The following ARID1A variants were observed in gnomAD, a reference collection of about 807,000 sequenced individuals.
The protein encoded by ARID1A is AT-rich interaction domain 1A, also known as AT-rich interactive domain-containing protein 1A.
ARID1A carries 20 observed loss-of-function variants against 212.6 expected under a neutral mutation model. The ratio of observed to expected loss-of-function variants is 0.09; its 90% CI spans 0.07 to 0.14. The LOEUF is 0.14. Ranked by LOEUF, ARID1A falls within the 10% of genes least tolerant of loss-of-function variation. The pLI is 1.00. For missense variants in ARID1A, 2,587 were observed against 3,059.0 expected (o/e 0.85, Z 3.64); for synonymous variants, 1,376 against 1,222.1 (o/e 1.13, Z -2.63).
chr1:26,746,423 G>T (rs1464610701), intron 4 of ARID1A, among the ~76,000 whole-genome samples: 3 of 152,204 alleles, frequency 2.0e-5, no homozygotes, highest in Admixed American at 6.5e-5. Context: ...CAGATGTTTG[G>T]TTGCTTAGCT....
intron 11 of ARID1A, 47 bp downstream of exon 11, chr1:26,768,046 C>A (rs2124088343): frequency 6.3e-7 from 1 of 1,579,542 alleles, no homozygotes; most frequent in Non-Finnish European, 8.7e-7. Context: ...TTCCACAAAC[C>A]CCTTTCTAGG....
At chr1:26,713,612 G>A (rs2080474236) in intron 1 of ARID1A, among the ~76,000 whole-genome samples, 2 of 152,036 alleles carry the variant, frequency 1.3e-5, no homozygotes, top group African/African-American at 4.8e-5. Flanking sequence ...TGCCTGCCTC[G>A]GCCTCCCAGA....
At position 26,781,399 on chromosome 1, in the gene ARID1A, AAACGCTGGGT is replaced by A. The variant is rs2081193411; in HGVS notation, c.*644_*653del. ...TAATAATGTCTCACATGGAAACAGA[AAACGCTGGGT>A]CAGCAGCAAGCTGTAGTTTTTAAAA... is the stretch of plus-strand genomic sequence containing the variant. On this transcript the variant is annotated 3_prime_UTR_variant, in exon 20 of 20. Transcript: ENST00000324856. 1 of 233,520 alleles carries A rather than the reference AAACGCTGGGT, an allele frequency of 4.3e-6. No homozygotes were observed. Among genetic ancestry groups the A allele is most frequent in the East Asian group, 6.0e-5 (1 of 16,588 alleles). The allele number at this position is 233,520 out of a possible 1,614,324, so 14.5% of individuals were successfully genotyped here.
chr1:26,705,460 CT>C (rs1476582232), intron 1 of ARID1A, among the ~76,000 whole-genome samples: 8 of 150,822 alleles, frequency 5.3e-5, no homozygotes, highest in African/African-American at 2.0e-4. Flanking sequence ...TTCCCCCCCC[CT>C]CAAGTAATGG....
At chr1:26,719,846 CAGG>C (rs2080543503) in intron 1 of ARID1A, among the ~76,000 whole-genome samples, 2 of 140,392 alleles carry the variant, frequency 1.4e-5, no homozygotes, top group African/African-American at 5.4e-5. Flanking sequence ...GAGGCTGAGA[CAGG>C]AGAATTGCTT....
Position 26,763,178 on chromosome 1 carries a change from G to A in ARID1A, c.2625G>A (p.Met875Ile). 1 of 1,614,250 alleles carries A rather than the reference G, an allele frequency of 6.2e-7. No individual in the cohort carries two copies. The highest frequency in any genetic ancestry group is 8.5e-7 in the Non-Finnish European group (1 of 1,180,042). ...CTTATGGCCCTAACATGGCCAATAT[G>A]CCACCTCAGGTTGGGTCAGGGATGT... ...NRPYGPNMAN[M>I]PPQVGSGMCP... The change falls in exon 8 of 20, where the codon ATG (methionine) becomes ATA (isoleucine). Residue 875 changes from methionine to isoleucine, a missense_variant. By Grantham distance (10) the Met-to-Ile change is conservative. Transcript: ENST00000324856.
intron 4 of ARID1A, among the ~76,000 whole-genome samples, chr1:26,758,463 C>T (rs747875729): frequency 1.3e-5 from 2 of 152,002 alleles, no homozygotes; most frequent in Admixed American, 6.6e-5. Flanking sequence ...CCTGTACACA[C>T]ACATACAGAG....
chr1:26,733,555 G>A (rs1476930695), intron 4 of ARID1A, among the ~76,000 whole-genome samples: 1 of 152,208 alleles, frequency 6.6e-6, no homozygotes, highest in Non-Finnish European at 1.5e-5. Context: ...TTGGGACTGT[G>A]CTTTATACCT....
intron 4 of ARID1A, among the ~76,000 whole-genome samples, chr1:26,738,441 G>A (rs1008780112): frequency 6.6e-6 from 1 of 152,168 alleles, no homozygotes; most frequent in African/African-American, 2.4e-5. Context: ...TTGCCATAGT[G>A]CCTGGCATCT....
intron 12 of ARID1A, chr1:26,772,177 T>C: frequency 3.1e-6 from 1 of 324,118 alleles, no homozygotes; most frequent in South Asian, 4.2e-5. Flanking sequence ...TTACAGGGTT[T>C]AGTAGGTTAG....
intron 1 of ARID1A, among the ~76,000 whole-genome samples, chr1:26,698,723 A>G (rs186692982): frequency 1.3e-5 from 2 of 152,192 alleles, no homozygotes; most frequent in African/African-American, 4.8e-5. Context: ...GGCTCTGAAG[A>G]TGCATTTATC....
chr1:26,729,848 C>T lies in ARID1A; in HGVS notation c.1335C>T (p.Leu445=), dbSNP rs564698248. The T allele has an allele frequency of 1.2e-6, 2 of 1,613,998 alleles. No homozygotes were observed. Among genetic ancestry groups the T allele is most frequent in the South Asian group, 1.1e-5 (1 of 91,072 alleles). Residue 445 remains leucine (L), a synonymous_variant, in exon 2 of 20, where the codon CTC becomes CTT. Coordinates refer to ENST00000324856, the MANE Select transcript of ARID1A (RefSeq NM_006015.6). ...GGGCGCAGAGTGCCATGGGCGGCCT[C>T]TCTTATACACAGCAGGTAGATGGTG... ...QGRAQSAMGG[L]SYTQQIPPYG... is the part of the protein sequence containing the mutation.
In ARID1A at chr1:26,774,264, C is replaced by T. The variant is rs536384828; in HGVS notation, c.4102-65C>T. 1.3e-6 allele frequency: 2 copies of T among 1,507,118 alleles called. No homozygotes were observed. The highest frequency in any genetic ancestry group is 2.3e-5 in the East Asian group (1 of 43,544). The allele number at this position is 1,507,118 out of a possible 1,614,324, so 93.4% of individuals were successfully genotyped here. A position where few individuals can be genotyped will look rare whatever the true frequency, so the allele number is the denominator to read the frequency against. ...AAGCATCTGGTTGTAGCCATCTTGG[C>T]ATCTGTGGGCTTTATGTCCCTGAGT... On this transcript the variant is annotated intron_variant, in intron 17 of 19. Transcript: ENST00000324856. The surrounding 1 kb of genome is among the most constrained non-coding windows in gnomAD (Gnocchi z 5.6).
Position 26,720,656 on chromosome 1 carries a change from T to A in ARID1A, c.1138-8995T>A, listed in dbSNP as rs548482154. On this transcript the variant is annotated intron_variant, in intron 1 of 19. Transcript: ENST00000324856. The stretch of plus-strand genomic sequence containing the variant: ...ACTTTGGGAGGCTGAAGCTGGCAGA[T>A]CACTTGAGCTTAGGAGTTGAAGAAC... Among the ~76,000 whole-genome samples, 4 of 152,086 alleles carry A rather than the reference T, an allele frequency of 2.6e-5. No homozygotes were observed. The South Asian group carries it at 8.3e-4, about 32-fold the overall frequency.
At chr1:26,737,735 C>T (rs1434256226) in intron 4 of ARID1A, among the ~76,000 whole-genome samples, 1 of 151,886 alleles carries the variant, frequency 6.6e-6, no homozygotes, top group Non-Finnish European at 1.5e-5. Context: ...CATGGTGGCA[C>T]ACGCCTGTAA....
At chr1:26,719,585 G>A (rs2080540007) in intron 1 of ARID1A, among the ~76,000 whole-genome samples, 1 of 151,806 alleles carries the variant, frequency 6.6e-6, no homozygotes, top group Non-Finnish European at 1.5e-5. Context: ...GGTGCCAAGG[G>A]ATGAAGTGAC....
intron 1 of ARID1A, among the ~76,000 whole-genome samples, chr1:26,706,238 C>T (rs1402888147): frequency 2.6e-5 from 4 of 152,146 alleles, no homozygotes; most frequent in Non-Finnish European, 5.9e-5. Context: ...ATTAGACTTC[C>T]TCCTCCCTTG....
intron 1 of ARID1A, among the ~76,000 whole-genome samples, chr1:26,708,392 C>G (rs1557578627): frequency 7.5e-6 from 1 of 132,808 alleles, no homozygotes; most frequent in African/African-American, 2.8e-5. Context: ...TCAAGTGATT[C>G]TTCTGCCTCA....
rs749233791 is a variant in ARID1A, at chr1:26,766,507, C to G, written c.2929C>G (p.Pro977Ala). 1 of 1,614,048 alleles carries G rather than the reference C, an allele frequency of 6.2e-7. No individual in the cohort carries two copies. Among genetic ancestry groups the G allele is most frequent in the East Asian group, 2.2e-5 (1 of 44,892 alleles). ...MMGLGDVKLT[P>A]ATKMNNKADG... The stretch of plus-strand genomic sequence containing the variant: ...GGGCCTTGGGGATGTAAAGTTAACT[C>G]CAGCCACCAAAATGAACAACAAGGC... The change falls in exon 10 of 20, where the codon CCA (proline) becomes GCA (alanine). Residue 977 changes from proline (P) to alanine (A), a missense_variant. Physicochemically the swap from Pro to Ala is conservative, Grantham distance 27. Around this residue, in one of 11 missense-constraint regions of ARID1A, gnomAD observed 674 missense variants for 813.4 expected, o/e 0.83. Transcript: ENST00000324856.
Sources: gnomAD v4.1 joint callset for allele counts (sites outside exome capture counted in the v4.1 genomes callset) on GRCh38, gnomAD v4.1.1 for gene constraint, gnomAD v4.1.1 regional missense constraint, Gnocchi (gnomAD v3.1) non-coding constraint, MANE v1.5 for transcripts, NCBI Gene and HGNC (gene_info 2026-07-23, HGNC 2026-07-21) for gene names.